Variants in SEMA4B observed in about 807,000 individuals in gnomAD.
SEMA4B encodes the protein semaphorin-4B.
Under a neutral mutation model 88.1 loss-of-function variants are expected in SEMA4B, and 55 were observed. The observed-to-expected ratio is 0.62, with a 90% CI of 0.50 to 0.78. The LOEUF (loss-of-function observed/expected upper bound fraction) is 0.78. Ranked by LOEUF, SEMA4B falls within the 30% of genes least tolerant of loss-of-function variation. The pLI is 0.00. For missense variants in SEMA4B, 1,062 were observed against 1,111.9 expected, an observed-to-expected ratio of 0.96 and a Z score of 0.64; for synonymous variants, 525 against 473.6, an observed-to-expected ratio of 1.11 and a Z score of -1.41.
intron 1 of SEMA4B, among the ~76,000 whole-genome samples, chr15:90,209,681 G>A (rs907126928): frequency 2.6e-5 from 4 of 152,232 alleles, no homozygotes; most frequent in Non-Finnish European, 5.9e-5. Context: ...AACAGGAAAT[G>A]ATGGGCATAC....
Position 90,201,719 on chromosome 15 carries a change from G to A in SEMA4B, c.141G>A (p.Arg47=), listed in dbSNP as rs988237363. The change falls in exon 1 of 14, where the codon CGG becomes CGA. Residue 47 remains arginine (R), a synonymous_variant. Coordinates refer to ENST00000411539, the MANE Select transcript of SEMA4B (RefSeq NM_198925.4). ...CTCCGACCTGGGCGCTCAGCCCCCG[G>A]ATCAGCCTGCCTCTGGGTGAGTGCC... ...PPPPTWALSP[R]ISLPLGSEER... The A allele has an allele frequency of 3.4e-6, 5 of 1,485,996 alleles. No homozygotes were observed. The highest frequency in any genetic ancestry group is 4.5e-6 in the Non-Finnish European group (5 of 1,123,254). The allele number at this position is 1,485,996 out of a possible 1,614,324, so 92.1% of individuals were successfully genotyped here. A position where few individuals can be genotyped will look rare whatever the true frequency, so the allele number is the denominator to read the frequency against.
At chr15:90,186,770 A>G (rs887131469) in intron 1 of SEMA4B, among the ~76,000 whole-genome samples, 3 of 151,584 alleles carry the variant, frequency 2.0e-5, no homozygotes, top group Non-Finnish European at 4.4e-5. Context: ...CGTCTCTACT[A>G]AAAATACAAA....
chr15:90,217,999 C>T (rs539855811), intron 3 of SEMA4B, 170 bp downstream of exon 3: 59 of 590,336 alleles, frequency 1.0e-4, no homozygotes, highest in South Asian at 8.0e-4. Flanking sequence ...ACACTTACAT[C>T]GCTACGACCT....
intron 1 of SEMA4B, among the ~76,000 whole-genome samples, chr15:90,188,811 G>C (rs983409457): frequency 9.9e-5 from 15 of 151,828 alleles, no homozygotes; most frequent in Admixed American, 2.0e-4. Flanking sequence ...GGGACTACAG[G>C]CACCCACCAC....
At chr15:90,203,223 G>C (rs1960829339) in intron 1 of SEMA4B, among the ~76,000 whole-genome samples, 1 of 152,322 alleles carries the variant, frequency 6.6e-6, no homozygotes, top group South Asian at 2.1e-4. Flanking sequence ...GTTAGGACAG[G>C]GTTGGGGTGT....
At chr15:90,188,025 AAAAG>A (rs1303985933) in intron 1 of SEMA4B, among the ~76,000 whole-genome samples, 3 of 151,428 alleles carry the variant, frequency 2.0e-5, no homozygotes, top group Admixed American at 6.6e-5. Flanking sequence ...AAAAAGAAAG[AAAAG>A]AAACGTGGGT....
intron 1 of SEMA4B, chr15:90,206,767 A>G (rs1961011593): frequency 1.3e-6 from 1 of 757,822 alleles, no homozygotes. Context: ...AGTTGGTGGA[A>G]GCCCTTTGTG....
intron 7 of SEMA4B, among the ~76,000 whole-genome samples, chr15:90,222,235 C>CCCACCT (rs1961893056): frequency 1.4e-5 from 2 of 141,012 alleles, no homozygotes; most frequent in Non-Finnish European, 3.0e-5. Flanking sequence ...CCACTGCACC[C>CCCACCT]AGCCATTTTT....
At chr15:90,219,625 T>C (rs1961701948) in intron 3 of SEMA4B, 168 bp from the exon 4 acceptor site, 1 of 601,326 alleles carries the variant, frequency 1.7e-6, no homozygotes, top group African/African-American at 1.9e-5. Flanking sequence ...CTGTGCACGC[T>C]CCACTGTGCC....
rs569577999 is a variant in SEMA4B at position 90,227,625 on chromosome 15, C to T, written c.1757C>T (p.Pro586Leu). Residue 586 changes from proline (P) to leucine (L), a missense_variant, in exon 13 of 14, where the codon CCG becomes CTG. Pro to Leu is a moderately conservative substitution (Grantham distance 98). Transcript: ENST00000411539. ...TGCAGCGCGTCTTCGGTTGTGTCCCCGTCTTTTGTACCAACAGGTGAGGTG... is the reference window on the plus strand; with the variant it reads ...TGCAGCGCGTCTTCGGTTGTGTCCCTGTCTTTTGTACCAACAGGTGAGGTG... ...DLCSASSVVS[P>L]SFVPTGEKPC... 101 of 1,614,004 alleles carry T rather than the reference C, an allele frequency of 6.3e-5. No homozygotes were observed. Among genetic ancestry groups the T allele is most frequent in the South Asian group, 5.6e-4 (51 of 91,082 alleles).
intron 7 of SEMA4B, among the ~76,000 whole-genome samples, chr15:90,222,531 C>A (rs1424490360): frequency 2.0e-5 from 3 of 151,730 alleles, no homozygotes; most frequent in Admixed American, 6.6e-5. Flanking sequence ...GATGGTGCCA[C>A]TGCACTCCAG....
At chr15:90,198,427 C>T (rs1456077276), upstream of SEMA4B, among the ~76,000 whole-genome samples, 1 of 152,176 alleles carries the variant, frequency 6.6e-6, no homozygotes, top group Admixed American at 6.5e-5. Flanking sequence ...TCTCTGCCCT[C>T]TCAGTCAGCA....
At position 90,228,183 on chromosome 15, in the gene SEMA4B, A is replaced by G. The variant is rs377169295; in HGVS notation, c.2054A>G (p.Glu685Gly). 133 of 1,610,420 alleles carry G rather than the reference A, an allele frequency of 8.3e-5. 1 individual carries two copies. In the South Asian group the frequency reaches 1.4e-3, roughly 17 times the overall value. The change falls in exon 14 of 14, where the codon GAG (glutamate) becomes GGG (glycine). Residue 685 changes from glutamate to glycine, a missense_variant. Physicochemically the swap from Glu to Gly is moderately conservative, Grantham distance 98 (BLOSUM62 -2). Coordinates refer to ENST00000411539, the MANE Select transcript of SEMA4B (RefSeq NM_198925.4). ...VEDGVADQTD[E>G]GGSVPVIIST... is the part of the protein sequence containing the mutation. ...GACGGGGTGGCAGACCAAACAGATG[A>G]GGGTGGCAGTGTACCCGTCATTATC...
At chr15:90,221,933 C>CT (rs139755710) in intron 7 of SEMA4B, among the ~76,000 whole-genome samples, 168 bp downstream of exon 7, 1,731 of 145,268 alleles carry the variant, frequency 0.012, 18 homozygotes, top group African/African-American at 0.03. Flanking sequence ...CTACTTTTTT[C>CT]TTTTTTTTTT....
intron 1 of SEMA4B, among the ~76,000 whole-genome samples, chr15:90,185,432 G>T (rs1166388426): frequency 6.6e-6 from 1 of 152,266 alleles, no homozygotes; most frequent in Non-Finnish European, 1.5e-5. Flanking sequence ...CGGAATGGTC[G>T]TGGATATGAC....
At position 90,201,473 on chromosome 15, in the gene SEMA4B, C is replaced by A; in HGVS notation, c.-106C>A. ...CGCCCCCCAGGTCCGGAGGCGGGGG[C>A]CCCCGGGGCGACTCGGGGGCGGACC... On this transcript the variant is annotated 5_prime_UTR_variant, in exon 1 of 14. Coordinates refer to ENST00000411539, the MANE Select transcript of SEMA4B (RefSeq NM_198925.4). 1 of 1,308,018 alleles carries A rather than the reference C, an allele frequency of 7.6e-7. No homozygotes were observed. Among genetic ancestry groups the A allele is most frequent in the Non-Finnish European group, 9.7e-7 (1 of 1,031,774 alleles). 81.0% of individuals were successfully genotyped at this position (1,308,018 alleles called of 1,614,324 possible).
intron 7 of SEMA4B, among the ~76,000 whole-genome samples, chr15:90,223,338 C>T (rs555243142): frequency 6.6e-5 from 10 of 152,266 alleles, no homozygotes; most frequent in African/African-American, 1.2e-4. Context: ...AGCAGTGAAT[C>T]GCGTCCATAT....
chr15:90,187,040 G>A (rs1170619890), intron 1 of SEMA4B, among the ~76,000 whole-genome samples: 2 of 152,206 alleles, frequency 1.3e-5, no homozygotes, highest in African/African-American at 4.8e-5. Flanking sequence ...TGTGCCTTGG[G>A]GAGAGCTGAG....
chr15:90,221,491 C>T lies in SEMA4B; in HGVS notation c.709+11C>T, dbSNP rs369448027. The T allele has an allele frequency of 1.2e-6, 2 of 1,601,782 alleles. No homozygotes were observed. The highest frequency in any genetic ancestry group is 1.7e-6 in the Non-Finnish European group (2 of 1,174,074). ...TCAACTGGCTGCAAGGTGAAGTCCT[C>T]TTGCCACCACCCAGAGGGCAGGGAT... On this transcript the variant is annotated intron_variant, in intron 6 of 13. Coordinates refer to ENST00000411539, the MANE Select transcript of SEMA4B (RefSeq NM_198925.4).
Sources: gnomAD v4.1 joint callset for allele counts (sites outside exome capture counted in the v4.1 genomes callset) on GRCh38, gnomAD v4.1.1 for gene constraint, MANE v1.5 for transcripts, NCBI Gene and HGNC (gene_info 2026-07-23, HGNC 2026-07-21) for gene names.